Variants in NR1I2 observed in about 807,000 individuals in gnomAD.
The protein encoded by NR1I2 is nuclear receptor subfamily 1 group I member 2, also known as orphan nuclear receptor PAR1.
Under a neutral mutation model 43.3 loss-of-function variants are expected in NR1I2, and 42 were observed. The ratio of observed to expected loss-of-function variants is 0.97; its 90% CI spans 0.76 to 1.26. The LOEUF (loss-of-function observed/expected upper bound fraction) is 1.26. Ranked by LOEUF, NR1I2 falls within the 50% of genes most tolerant of loss-of-function variation. The pLI is 0.00. For synonymous variants in NR1I2, 229 were observed against 215.0 expected, an observed-to-expected ratio of 1.06 and a Z score of -0.57; for missense variants, 559 against 566.7, an observed-to-expected ratio of 0.99 and a Z score of 0.14.
intron 1 of NR1I2, among the ~76,000 whole-genome samples, chr3:119,797,329 G>C (rs2055015475): frequency 6.6e-6 from 1 of 152,060 alleles, no homozygotes; most frequent in Admixed American, 6.5e-5. Context: ...TCATGAGGAA[G>C]CAGCAGGAAC....
chr3:119,810,002 C>T, intron 2 of NR1I2, 59 bp from the exon 3 acceptor site: 2 of 1,609,074 alleles, frequency 1.2e-6, no homozygotes, highest in Non-Finnish European at 1.7e-6. Context: ...GGCCCGGAGC[C>T]CCAGGCCGAG....
rs2055177162 is a variant in NR1I2, at chr3:119,807,393, C to A, written c.143C>A (p.Ala48Asp). ...ATCTGCCGTGTATGTGGGGACAAGG[C>A]CACTGGCTATCACTTCAATGTCATG... Residue 48 changes from alanine (A) to aspartate (D), a missense_variant, in exon 2 of 9, where the codon GCC becomes GAC. Physicochemically the swap from Ala to Asp is moderately radical, Grantham distance 126 (BLOSUM62 -2). Transcript: ENST00000393716. 1 of 1,614,044 alleles carries A rather than the reference C, an allele frequency of 6.2e-7. No homozygotes were observed. The highest frequency in any genetic ancestry group is 1.7e-5 in the Admixed American group (1 of 60,006).
chr3:119,792,066 A>T, intron 1 of NR1I2: 1 of 740,842 alleles, frequency 1.3e-6, no homozygotes, highest in Non-Finnish European at 2.5e-6. Flanking sequence ...CACTGGTAGC[A>T]AAGATTTACA....
At chr3:119,802,480 A>G (rs2055095159) in intron 1 of NR1I2, among the ~76,000 whole-genome samples, 1 of 152,170 alleles carries the variant, frequency 6.6e-6, no homozygotes, top group Non-Finnish European at 1.5e-5. Context: ...AAGAGCATTT[A>G]TATTTATTGC....
chr3:119,811,300 C>T (rs1341788503), intron 3 of NR1I2: 2 of 480,396 alleles, frequency 4.2e-6, no homozygotes, highest in African/African-American at 3.8e-5. Flanking sequence ...AGTGTCCTCA[C>T]AAACTCCACT....
chr3:119,798,094 C>T (rs747140478), intron 1 of NR1I2, among the ~76,000 whole-genome samples: 21 of 152,096 alleles, frequency 1.4e-4, no homozygotes, highest in Non-Finnish European at 2.9e-4. Flanking sequence ...GTTTCAAAAA[C>T]TTCTTGGCAA....
rs1473385020 is a variant in NR1I2 at position 119,817,156 on chromosome 3, A to G, written c.1249A>G (p.Ile417Val). The G allele has an allele frequency of 1.9e-6, 3 of 1,614,054 alleles. No homozygotes were observed. Among genetic ancestry groups the G allele is most frequent in the South Asian group, 1.1e-5 (1 of 91,092 alleles). The change falls in exon 9 of 9, where the codon ATA becomes GTA. Residue 417 changes from isoleucine (I) to valine (V), a missense_variant. By Grantham distance (29) the Ile-to-Val change is conservative (BLOSUM62 3). Coordinates refer to ENST00000393716, the MANE Select transcript of NR1I2 (RefSeq NM_003889.4). ...CCAGCGGCTGCTGCGCATCCAGGAC[A>G]TACACCCCTTTGCTACGCCCCTCAT...
chr3:119,809,225 G>T (rs1187062334), intron 2 of NR1I2, among the ~76,000 whole-genome samples: 2 of 152,186 alleles, frequency 1.3e-5, no homozygotes, highest in Non-Finnish European at 2.9e-5. Flanking sequence ...GAAAGTAAAG[G>T]TAGGACTGCA....
chr3:119,805,319 G>T (rs6771638), intron 1 of NR1I2, among the ~76,000 whole-genome samples: 39,224 of 151,952 alleles, frequency 0.26, 5,613 homozygotes, highest in East Asian at 0.37. Context: ...TGACTTCTGA[G>T]TATTTGCTCA....
Position 119,818,418 on chromosome 3 carries a change from T to C in NR1I2, c.*1206T>C, listed in dbSNP as rs1338646844. 6.1e-6 allele frequency: 6 copies of C among 985,230 alleles called. No homozygotes were observed. Among genetic ancestry groups the C allele is most frequent in the African/African-American group, 1.7e-5 (1 of 57,222 alleles). 61.0% of individuals were successfully genotyped at this position (985,230 alleles called of 1,614,324 possible). A position where few individuals can be genotyped will look rare whatever the true frequency, so the allele number is the denominator to read the frequency against. On this transcript the variant is annotated 3_prime_UTR_variant, in exon 9 of 9. Coordinates refer to ENST00000393716, the MANE Select transcript of NR1I2 (RefSeq NM_003889.4). ...GCATTCCACACCTAAGAACTAGTTT[T>C]GGGAAATGTAGCCCTGGGTTTAATG...
chr3:119,791,590 A>T (rs1450889546), intron 1 of NR1I2, among the ~76,000 whole-genome samples: 1 of 152,084 alleles, frequency 6.6e-6, no homozygotes, highest in Non-Finnish European at 1.5e-5. Flanking sequence ...TATGGTTTGG[A>T]TGTTTTATCC....
intron 1 of NR1I2, among the ~76,000 whole-genome samples, chr3:119,806,006 AC>A (rs2107967467): frequency 6.6e-6 from 1 of 152,314 alleles, no homozygotes; most frequent in South Asian, 2.1e-4. Flanking sequence ...ATTTACTCTT[AC>A]AGGTGAAACT....
chr3:119,798,718 G>C (rs1402557017), intron 1 of NR1I2, among the ~76,000 whole-genome samples: 2 of 151,694 alleles, frequency 1.3e-5, no homozygotes, highest in Non-Finnish European at 2.9e-5. Context: ...TCCACTCTCA[G>C]CCACAGGCAA....
At chr3:119,807,110 A>G (rs974917707) in intron 1 of NR1I2, 119 bp from the exon 2 acceptor site, 7 of 852,684 alleles carry the variant, frequency 8.2e-6, no homozygotes, top group Non-Finnish European at 1.4e-5. Flanking sequence ...ATGAGAGGTC[A>G]GCTCCCGAGT....
rs114577406 is a variant in NR1I2, at chr3:119,807,623, G to T, written c.197+176G>T. On this transcript the variant is annotated intron_variant, in intron 2 of 8. Coordinates refer to ENST00000393716, the MANE Select transcript of NR1I2 (RefSeq NM_003889.4). ...ATCCCAGAGGAATCCTTCATCTTCA[G>T]TCTTCCTGTTCTACCCAGGAAAGGT... 2.6e-3 allele frequency among the ~76,000 whole-genome samples: 401 copies of T among 152,312 alleles called. 1 individual carries two copies. Among genetic ancestry groups the T allele is most frequent in the African/African-American group, 8.7e-3 (360 of 41,568 alleles).
intron 1 of NR1I2, among the ~76,000 whole-genome samples, chr3:119,801,338 C>A (rs1042477663): frequency 6.6e-6 from 1 of 152,198 alleles, no homozygotes; most frequent in African/African-American, 2.4e-5. Context: ...GAGATTTCAC[C>A]GATTACTAAG....
chr3:119,812,662 T>A, intron 4 of NR1I2, 24 bp from the exon 5 acceptor site: 1 of 1,613,062 alleles, frequency 6.2e-7, no homozygotes, highest in Non-Finnish European at 8.5e-7. Context: ...CTCTCCTCTG[T>A]CCACCTCCTG....
rs781155783 is a variant in NR1I2 at position 119,805,627 on chromosome 3, C to T, written c.-22-1602C>T. Among the ~76,000 whole-genome samples, 11 of 150,560 alleles carry T rather than the reference C, an allele frequency of 7.3e-5. 1 individual carries two copies. Among genetic ancestry groups the T allele is most frequent in the East Asian group, 3.9e-4 (2 of 5,092 alleles). On this transcript the variant is annotated intron_variant, in intron 1 of 8. Coordinates refer to ENST00000393716, the MANE Select transcript of NR1I2 (RefSeq NM_003889.4). Reference sequence around the variant, plus strand: ...CAGAGGCAGGAGAATCGCTTGAGCCCGGGAGGCAGAGGTTGCAGTGAACTT... The same window carrying T: ...CAGAGGCAGGAGAATCGCTTGAGCCTGGGAGGCAGAGGTTGCAGTGAACTT...
At chr3:119,792,188 T>C (rs878893239) in intron 1 of NR1I2, 7 of 1,141,868 alleles carry the variant, frequency 6.1e-6, no homozygotes, top group Admixed American at 1.7e-5. Context: ...CATCCATCAC[T>C]ACTGAGATCC....
Sources: gnomAD v4.1 joint callset for allele counts (sites outside exome capture counted in the v4.1 genomes callset) on GRCh38, gnomAD v4.1.1 for gene constraint, MANE v1.5 for transcripts, NCBI Gene and HGNC (gene_info 2026-07-23, HGNC 2026-07-21) for gene names.